KRAS: variants seen among roughly 807,000 people sequenced by gnomAD.
KRAS encodes GTPase KRas.
A neutral mutation model predicts 21.0 loss-of-function variants in KRAS; 1 was observed. The ratio of observed to expected loss-of-function variants is 0.05; its 90% CI spans 0.02 to 0.23. The LOEUF is 0.23. Among genes scored for constraint, KRAS ranks in the 10% least tolerant of loss-of-function variants. The pLI is 1.00. For synonymous variants in KRAS, 67 were observed against 72.5 expected, an observed-to-expected ratio of 0.92 and a Z score of 0.39; for missense variants, 107 against 221.8, an observed-to-expected ratio of 0.48 and a Z score of 3.29.
chr12:25,212,789 C>T (rs374514211), intron 4 of KRAS, among the ~76,000 whole-genome samples: 2 of 152,178 alleles, frequency 1.3e-5, no homozygotes, highest in Admixed American at 6.5e-5. Context: ...GGTCTCATTA[C>T]GTTGCCCAGT....
intron 1 of KRAS, among the ~76,000 whole-genome samples, chr12:25,248,405 G>A (rs930586193): frequency 2.0e-5 from 3 of 152,050 alleles, no homozygotes; most frequent in Non-Finnish European, 4.4e-5. Context: ...GGCCGAGATC[G>A]CGCCACTGCA....
intron 4 of KRAS, chr12:25,225,278 C>T (rs1481891903): frequency 8.5e-6 from 1 of 118,204 alleles, no homozygotes; most frequent in East Asian, 2.3e-4. Flanking sequence ...AATTTGTTGC[C>T]CTGTTCTTTA....
intron 2 of KRAS, chr12:25,234,305 A>G (rs1180194705): frequency 5.6e-6 from 1 of 179,206 alleles, no homozygotes; most frequent in Non-Finnish European, 1.2e-5. Context: ...GTCTTCAACA[A>G]TATTAACTTT....
intron 2 of KRAS, among the ~76,000 whole-genome samples, chr12:25,238,307 T>C (rs1019400644): frequency 6.6e-6 from 1 of 152,234 alleles, no homozygotes; most frequent in Admixed American, 6.5e-5. Flanking sequence ...TCAAGTCAGA[T>C]GGCATTTGCC....
chr12:25,225,291 TATATATATATATATATATATATA>T lies in KRAS; in HGVS notation c.450+300_450+322del, dbSNP rs1565883967. On this transcript the variant is annotated intron_variant, in intron 4 of 4. Coordinates refer to ENST00000311936, the MANE Select transcript of KRAS (RefSeq NM_004985.5). ...AAAATTTGTTGCCCTGTTCTTTATA[TATATATATATATATATATATATA>T]TATATATATATATATATATATGTAA... The T allele has an allele frequency of 0.023, 3,121 of 137,002 alleles. 243 individuals carry two copies. Among genetic ancestry groups the T allele is most frequent in the African/African-American group, 0.071 (2,554 of 36,034 alleles). The allele number at this position is 137,002 out of a possible 1,614,324, so 8.5% of individuals were successfully genotyped here.
At position 25,210,117 on chromosome 12, in the gene KRAS, A is replaced by C. The variant is rs192741734; in HGVS notation, c.451-206T>G. 4.4e-4 allele frequency among the ~76,000 whole-genome samples: 67 copies of C among 152,322 alleles called. 1 individual carries two copies. The highest frequency in any genetic ancestry group is 6.8e-3 in the Middle Eastern group (2 of 294). ...TTTTGTCAATATTATAAACAGGAAC[A>C]CTAATTTTCACAAAAGACAAGGATA... On this transcript the variant is annotated intron_variant, in intron 4 of 4. Coordinates refer to ENST00000311936, the MANE Select transcript of KRAS (RefSeq NM_004985.5).
intron 1 of KRAS, among the ~76,000 whole-genome samples, chr12:25,247,094 A>G (rs540882226): frequency 6.6e-6 from 1 of 152,320 alleles, no homozygotes; most frequent in Non-Finnish European, 1.5e-5. Flanking sequence ...TTTTTGAAAT[A>G]ATATGAATGT....
intron 4 of KRAS, among the ~76,000 whole-genome samples, chr12:25,223,749 T>C (rs894094008): frequency 2.6e-5 from 4 of 152,306 alleles, no homozygotes; most frequent in South Asian, 2.1e-4. Context: ...TTTATGAAAT[T>C]TGATAAACTT....
intron 2 of KRAS, among the ~76,000 whole-genome samples, chr12:25,243,939 T>C (rs991757470): frequency 6.6e-6 from 1 of 152,222 alleles, no homozygotes; most frequent in African/African-American, 2.4e-5. Flanking sequence ...ATTCTTAAAA[T>C]TGGAAGCCAA....
chr12:25,242,299 T>C (rs1387038303), intron 2 of KRAS, among the ~76,000 whole-genome samples: 5 of 152,218 alleles, frequency 3.3e-5, no homozygotes, highest in Admixed American at 6.5e-5. Context: ...ACTTAATATA[T>C]ATTTGGTAAG....
At chr12:25,211,945 A>T (rs1951204052) in intron 4 of KRAS, among the ~76,000 whole-genome samples, 1 of 152,212 alleles carries the variant, frequency 6.6e-6, no homozygotes, top group South Asian at 2.1e-4. Context: ...AGAAAGGAAA[A>T]GTGGTAAGAA....
chr12:25,224,747 AGACTATACTACAT>A (rs2141503542), intron 4 of KRAS, among the ~76,000 whole-genome samples: 1 of 152,280 alleles, frequency 6.6e-6, no homozygotes, highest in African/African-American at 2.4e-5. Flanking sequence ...CTGGGGCAAG[AGACTATACTACAT>A]ATCCCAGGTG....
chr12:25,209,974 A>G, intron 4 of KRAS, 63 bp from the exon 5 acceptor site: 1 of 1,198,364 alleles, frequency 8.3e-7, no homozygotes, highest in Non-Finnish European at 1.2e-6. Context: ...TACAGGTAAC[A>G]AATTTCATTA....
At chr12:25,221,235 T>C (rs938615949) in intron 4 of KRAS, among the ~76,000 whole-genome samples, 2 of 135,066 alleles carry the variant, frequency 1.5e-5, no homozygotes, top group Admixed American at 8.5e-5. Flanking sequence ...AGCCACAGCC[T>C]TTTTTTTTTT....
intron 2 of KRAS, among the ~76,000 whole-genome samples, chr12:25,241,933 C>T (rs1189412371): frequency 6.6e-6 from 1 of 152,138 alleles, no homozygotes; most frequent in Admixed American, 6.5e-5. Context: ...TTTTCTTATA[C>T]CAGTCTTCAG....
chr12:25,214,710 G>A (rs531288137), intron 4 of KRAS, among the ~76,000 whole-genome samples: 2 of 152,214 alleles, frequency 1.3e-5, no homozygotes, highest in South Asian at 2.1e-4. Context: ...TCTTTAAAGT[G>A]TATCTCTCCG....
intron 4 of KRAS, among the ~76,000 whole-genome samples, chr12:25,221,706 C>T (rs1290325193): frequency 6.6e-6 from 1 of 152,058 alleles, no homozygotes; most frequent in South Asian, 2.1e-4. Flanking sequence ...TGGATGAGAA[C>T]TTCTAAATGA....
chr12:25,241,486 GCTAAC>G (rs1182849923), intron 2 of KRAS, among the ~76,000 whole-genome samples: 1 of 152,188 alleles, frequency 6.6e-6, no homozygotes, highest in Non-Finnish European at 1.5e-5. Flanking sequence ...ACTGGAGTAA[GCTAAC>G]ATATCATTAA....
intron 2 of KRAS, among the ~76,000 whole-genome samples, chr12:25,231,083 C>T (rs1485776485): frequency 1.3e-5 from 2 of 149,996 alleles, no homozygotes; most frequent in Non-Finnish European, 3.0e-5. Context: ...ATTGCTGCCA[C>T]CTCACATTCT....
Sources: gnomAD v4.1 joint callset for allele counts (sites outside exome capture counted in the v4.1 genomes callset) on GRCh38, gnomAD v4.1.1 for gene constraint, MANE v1.5 for transcripts, NCBI Gene and HGNC (gene_info 2026-07-23, HGNC 2026-07-21) for gene names.